Variants in CYP3A43 observed in about 807,000 individuals in gnomAD.
CYP3A43 encodes the protein cytochrome P450 family 3 subfamily A member 43, also known as cytochrome P450 3A43.
In CYP3A43, 45 loss-of-function variants were observed where a neutral mutation model predicts 58.0. The ratio of observed to expected loss-of-function variants is 0.78; its 90% confidence interval spans 0.61 to 0.99. The LOEUF (loss-of-function observed/expected upper bound fraction) is 0.99, where lower values mean the gene tolerates loss of function less well. Among genes scored for constraint, CYP3A43 ranks in the 50% least tolerant of loss-of-function variants. The pLI is 0.00. For missense variants in CYP3A43, 593 were observed against 591.9 expected, an observed-to-expected ratio of 1.00 and a Z score of -0.02; for synonymous variants, 191 against 201.4, an observed-to-expected ratio of 0.95 and a Z score of 0.44.
At chr7:99,846,935 A>G (rs1817560835) in intron 4 of CYP3A43, among the ~76,000 whole-genome samples, 1 of 152,200 alleles carries the variant, frequency 6.6e-6, no homozygotes, top group African/African-American at 2.4e-5. Context: ...TGGGGGGAAA[A>G]TAAAAGAAAG....
intron 7 of CYP3A43, among the ~76,000 whole-genome samples, chr7:99,851,904 C>T (rs1817777279): frequency 6.6e-6 from 1 of 152,140 alleles, no homozygotes. Context: ...GATTTGCCCT[C>T]TTGGTTTTCT....
chr7:99,841,466 C>T (rs554384587), intron 3 of CYP3A43, among the ~76,000 whole-genome samples: 3 of 152,126 alleles, frequency 2.0e-5, no homozygotes, highest in Admixed American at 6.5e-5. Flanking sequence ...GGGGTGATCT[C>T]GGCTTACTAA....
At chr7:99,848,314 G>A (rs1334677876) in intron 6 of CYP3A43, 60 bp downstream of exon 6, 6 of 1,550,550 alleles carry the variant, frequency 3.9e-6, no homozygotes, top group Admixed American at 1.7e-5. Flanking sequence ...GCCTGCAGTG[G>A]AGCTGATATT....
chr7:99,835,452 C>CA (rs1483594358), intron 1 of CYP3A43, among the ~76,000 whole-genome samples: 1 of 152,150 alleles, frequency 6.6e-6, no homozygotes, highest in African/African-American at 2.4e-5. Flanking sequence ...TGGTAGGCAT[C>CA]AAAATACAAG....
intron 3 of CYP3A43, among the ~76,000 whole-genome samples, chr7:99,843,071 T>C (rs533486): frequency 0.57 from 86,928 of 152,138 alleles, 27,147 homozygotes; most frequent in African/African-American, 0.85. Context: ...TTTGCATTAT[T>C]TTATGTAAAA....
intron 1 of CYP3A43, among the ~76,000 whole-genome samples, chr7:99,836,014 T>C (rs1048068693): frequency 1.3e-5 from 2 of 152,056 alleles, no homozygotes; most frequent in Non-Finnish European, 1.5e-5. Flanking sequence ...GCTTCCGAGA[T>C]GTAACTAGAG....
rs762743825 is a variant in CYP3A43, at chr7:99,856,879, A to C, written c.845A>C (p.Lys282Thr). The change falls in exon 9 of 13, where the codon AAA becomes ACA. Residue 282 changes from lysine to threonine, a missense_variant. By Grantham distance (78) the Lys-to-Thr change is moderately conservative. Coordinates refer to ENST00000354829, the MANE Select transcript of CYP3A43 (RefSeq NM_057095.3). ...CAGATGATCGACTCCCAGAATTCCA[A>C]AGAAACAAAGTCCCATAAAGGTAAC... ...FQQMIDSQNS[K>T]ETKSHKALSD... is the part of the protein sequence containing the mutation. 4 of 1,613,948 alleles carry C rather than the reference A, an allele frequency of 2.5e-6. No homozygotes were observed. The Admixed American group carries it at 6.7e-5, about 27-fold the overall frequency.
rs199535632 is a variant in CYP3A43, at chr7:99,836,583, C to T, written c.165+37C>T. Reference sequence around the variant, plus strand: ...TTGAGCTCCCTCTTTTGCTTCTTATCGATGCAAACCCAAGCTTAGTCCTAT... The same window carrying T: ...TTGAGCTCCCTCTTTTGCTTCTTATTGATGCAAACCCAAGCTTAGTCCTAT... On this transcript the variant is annotated intron_variant, in intron 2 of 12. Transcript: ENST00000354829. 37 of 1,446,082 alleles carry T rather than the reference C, an allele frequency of 2.6e-5. No individual in the cohort carries two copies. The African/African-American group carries it at 3.7e-4, about 15-fold the overall frequency. The allele number at this position is 1,446,082 out of a possible 1,614,324, so 89.6% of individuals were successfully genotyped here. A position where few individuals can be genotyped will look rare whatever the true frequency, so the allele number is the denominator to read the frequency against.
intron 3 of CYP3A43, among the ~76,000 whole-genome samples, chr7:99,842,813 G>T (rs1043521787): frequency 2.0e-5 from 3 of 152,166 alleles, no homozygotes; most frequent in Non-Finnish European, 4.4e-5. Flanking sequence ...TCCCCAGATG[G>T]CGTCCCTCGT....
At chr7:99,862,643 C>G (rs909039241) in intron 11 of CYP3A43, among the ~76,000 whole-genome samples, 2 of 152,160 alleles carry the variant, frequency 1.3e-5, no homozygotes, top group Non-Finnish European at 2.9e-5. Flanking sequence ...TGATATTTTC[C>G]CATTTTGGAA....
At position 99,860,028 on chromosome 7, in the gene CYP3A43, G is replaced by A. The variant is rs781597534; in HGVS notation, c.1026+38G>A. The A allele has an allele frequency of 2.5e-5, 39 of 1,537,496 alleles. No individual in the cohort carries two copies. In the South Asian group the frequency reaches 5.1e-4, roughly 20 times the overall value. Reference sequence around the variant, plus strand: ...TCCCCTGGAGAAGGAGGGAGAAGGTGAAGCCTCAGCAAGAATGCCTCCTCA... The same window carrying A: ...TCCCCTGGAGAAGGAGGGAGAAGGTAAAGCCTCAGCAAGAATGCCTCCTCA... On this transcript the variant is annotated intron_variant, in intron 10 of 12. Coordinates refer to ENST00000354829, the MANE Select transcript of CYP3A43 (RefSeq NM_057095.3).
chr7:99,848,979 C>T (rs1817640277), intron 6 of CYP3A43, among the ~76,000 whole-genome samples: 1 of 152,182 alleles, frequency 6.6e-6, no homozygotes, highest in African/African-American at 2.4e-5. Flanking sequence ...CAAAAATAAT[C>T]TGCCCTCAGA....
chr7:99,852,794 G>A (rs745857329), intron 7 of CYP3A43, among the ~76,000 whole-genome samples: 2 of 152,112 alleles, frequency 1.3e-5, no homozygotes, highest in Non-Finnish European at 2.9e-5. Flanking sequence ...TCAGGTGGAA[G>A]AATTCTCTTC....
intron 4 of CYP3A43, among the ~76,000 whole-genome samples, chr7:99,845,996 C>T (rs1817532989): frequency 6.6e-6 from 1 of 152,050 alleles, no homozygotes; most frequent in Non-Finnish European, 1.5e-5. Context: ...AGGCTGGTCT[C>T]GAACTCCTGA....
At chr7:99,829,344 C>A (rs1443102301) in intron 1 of CYP3A43, among the ~76,000 whole-genome samples, 1 of 152,166 alleles carries the variant, frequency 6.6e-6, no homozygotes, top group Non-Finnish European at 1.5e-5. Context: ...CATGACACAG[C>A]CTTCAGGAGG....
At chr7:99,837,426 T>C (rs1817143030) in intron 2 of CYP3A43, among the ~76,000 whole-genome samples, 1 of 152,154 alleles carries the variant, frequency 6.6e-6, no homozygotes, top group South Asian at 2.1e-4. Context: ...TCAAGAACTG[T>C]TAAATTCCCT....
At chr7:99,830,948 C>T (rs1475155990) in intron 1 of CYP3A43, among the ~76,000 whole-genome samples, 3 of 152,246 alleles carry the variant, frequency 2.0e-5, no homozygotes, top group Non-Finnish European at 4.4e-5. Context: ...ACCTCCTCTT[C>T]ATTCAACTTC....
At chr7:99,832,157 A>G (rs1175960211) in intron 1 of CYP3A43, among the ~76,000 whole-genome samples, 1 of 152,048 alleles carries the variant, frequency 6.6e-6, no homozygotes, top group African/African-American at 2.4e-5. Flanking sequence ...CTCTGAGAAA[A>G]CAGGAAAGAA....
At chr7:99,853,192 T>G (rs910232190) in intron 7 of CYP3A43, among the ~76,000 whole-genome samples, 2 of 152,214 alleles carry the variant, frequency 1.3e-5, no homozygotes, top group African/African-American at 4.8e-5. Flanking sequence ...CTTTAAATAT[T>G]AGGTAGAATT....
Sources: allele counts gnomAD v4.1 joint callset (sites outside exome capture counted in the v4.1 genomes callset), GRCh38; gene constraint gnomAD v4.1.1; transcripts MANE v1.5; gene names NCBI Gene and HGNC (gene_info 2026-07-23, HGNC 2026-07-21).